THSD7A: variants seen among roughly 807,000 people sequenced by gnomAD.
THSD7A encodes the protein thrombospondin type 1 domain containing 7A.
THSD7A carries 96 observed loss-of-function variants against 231.3 expected under a neutral mutation model. The observed-to-expected ratio is 0.41, with a 90% CI of 0.35 to 0.49. THSD7A has a LOEUF of 0.49. Ranked by LOEUF, THSD7A falls within the 20% of genes least tolerant of loss-of-function variation. The probability of loss-of-function intolerance (pLI) is 0.05; values close to 1 mark genes in which losing one functional copy is unlikely to be tolerated. For synonymous variants in THSD7A, 940 were observed against 743.3 expected, an observed-to-expected ratio of 1.26 and a Z score of -4.30; for missense variants, 2,290 against 2,070.2, an observed-to-expected ratio of 1.11 and a Z score of -2.06.
intron 1 of THSD7A, among the ~76,000 whole-genome samples, chr7:11,705,154 A>C (rs952932575): frequency 6.6e-6 from 1 of 151,106 alleles, no homozygotes; most frequent in African/African-American, 2.4e-5. Context: ...TTAAACTAAC[A>C]ATTTGAGAAC....
chr7:11,641,039 A>G (rs113832664), intron 1 of THSD7A, among the ~76,000 whole-genome samples: 16,918 of 152,156 alleles, frequency 0.11, 1,083 homozygotes, highest in Non-Finnish European at 0.16. Context: ...TAGTTTTTTG[A>G]TCACTTAATT....
At chr7:11,428,805 T>A (rs1010776124) in intron 14 of THSD7A, 142 bp downstream of exon 14, 2 of 853,612 alleles carry the variant, frequency 2.3e-6, no homozygotes, top group African/African-American at 3.4e-5. Flanking sequence ...ATAACATGTA[T>A]GTATTTATTC....
At chr7:11,641,371 C>T (rs1261594389) in intron 1 of THSD7A, among the ~76,000 whole-genome samples, 1 of 151,804 alleles carries the variant, frequency 6.6e-6, no homozygotes, top group Non-Finnish European at 1.5e-5. Flanking sequence ...TCTTAATATC[C>T]CAGGCATTAT....
intron 1 of THSD7A, among the ~76,000 whole-genome samples, chr7:11,680,130 G>A (rs1041202191): frequency 6.6e-6 from 1 of 151,476 alleles, no homozygotes; most frequent in Non-Finnish European, 1.5e-5. Context: ...AATGGTGTTG[G>A]GAAAACTGGC....
intron 1 of THSD7A, among the ~76,000 whole-genome samples, chr7:11,784,283 AT>A (rs1255356968): frequency 6.6e-6 from 1 of 150,488 alleles, no homozygotes; most frequent in Non-Finnish European, 1.5e-5. Context: ...TCTGCTTGGC[AT>A]TTTTTTATGC....
At chr7:11,471,248 T>C (rs1025362062) in intron 8 of THSD7A, among the ~76,000 whole-genome samples, 8 of 151,980 alleles carry the variant, frequency 5.3e-5, no homozygotes, top group Admixed American at 5.3e-4. Context: ...GAAAAAATAA[T>C]CTAAACAACT....
At chr7:11,587,354 T>C (rs1289097020) in intron 4 of THSD7A, among the ~76,000 whole-genome samples, 2 of 152,172 alleles carry the variant, frequency 1.3e-5, no homozygotes, top group Admixed American at 1.3e-4. Context: ...GTAGGGAACT[T>C]GTCAAGCCTT....
intron 1 of THSD7A, among the ~76,000 whole-genome samples, chr7:11,761,057 A>G (rs1260716754): frequency 6.6e-6 from 1 of 151,286 alleles, no homozygotes; most frequent in African/African-American, 2.4e-5. Context: ...TCAAACCCAA[A>G]AGTATAAATA....
chr7:11,568,075 C>A (rs73057883), intron 4 of THSD7A, among the ~76,000 whole-genome samples: 4,394 of 152,218 alleles, frequency 0.029, 81 homozygotes, highest in South Asian at 0.071. Context: ...TATCGTTATT[C>A]TTTCGTGAAT....
chr7:11,690,890 T>G (rs1780210613), intron 1 of THSD7A, among the ~76,000 whole-genome samples: 1 of 151,750 alleles, frequency 6.6e-6, no homozygotes, highest in Non-Finnish European at 1.5e-5. Flanking sequence ...TGTTAAAATG[T>G]TCACCAAAGT....
At chr7:11,655,415 C>G (rs752831985) in intron 1 of THSD7A, among the ~76,000 whole-genome samples, 17 of 151,868 alleles carry the variant, frequency 1.1e-4, no homozygotes, top group Non-Finnish European at 2.4e-4. Context: ...AGGTTTCTTT[C>G]TCATATGCCT....
chr7:11,669,617 G>A lies in THSD7A; in HGVS notation c.191-32656C>T, dbSNP rs531405723. On this transcript the variant is annotated intron_variant, in intron 1 of 27. Coordinates refer to ENST00000423059, the MANE Select transcript of THSD7A (RefSeq NM_015204.3). ...CCTTGTAATTTAAAATTTTTTACTGGTTTTTAAAAACATCAAATTTTTGCT... is the reference window on the plus strand; with the variant it reads ...CCTTGTAATTTAAAATTTTTTACTGATTTTTAAAAACATCAAATTTTTGCT... 3.3e-5 allele frequency among the ~76,000 whole-genome samples: 5 copies of A among 151,512 alleles called. No individual in the cohort carries two copies. In the East Asian group the frequency reaches 9.7e-4, roughly 29 times the overall value.
At chr7:11,503,340 C>T (rs1337291105) in intron 6 of THSD7A, among the ~76,000 whole-genome samples, 1 of 152,216 alleles carries the variant, frequency 6.6e-6, no homozygotes, top group South Asian at 2.1e-4. Context: ...AAATGTAAAA[C>T]CCAAAACTAT....
At chr7:11,603,348 G>A (rs1246637354) in intron 2 of THSD7A, among the ~76,000 whole-genome samples, 12 of 151,862 alleles carry the variant, frequency 7.9e-5, no homozygotes, top group African/African-American at 2.4e-4. Flanking sequence ...ACACCAGTTA[G>A]AATGGCAATC....
chr7:11,496,971 T>TAG (rs971059257), intron 6 of THSD7A, among the ~76,000 whole-genome samples: 9 of 152,164 alleles, frequency 5.9e-5, no homozygotes, highest in African/African-American at 1.9e-4. Context: ...ATCAATGTAT[T>TAG]AGTCCATTGT....
intron 9 of THSD7A, 24 bp from the exon 10 acceptor site, chr7:11,462,167 C>T: frequency 1.9e-6 from 3 of 1,612,498 alleles, no homozygotes; most frequent in Non-Finnish European, 2.5e-6. Flanking sequence ...GTTTTTTAAC[C>T]TCTGTACTTT....
rs754210876 is a variant in THSD7A, at chr7:11,446,055, A to G, written c.3064+6T>C. The stretch of plus-strand genomic sequence containing the variant: ...AGCAAATATGTAACAATGAAGATTG[A>G]ATTACCATGGCTGTTACATCTAGAT... On this transcript the variant is annotated splice_donor_region_variant and intron_variant, in intron 13 of 27. Coordinates refer to ENST00000423059, the MANE Select transcript of THSD7A (RefSeq NM_015204.3). This position sits in a 1 kb window ranked among gnomAD's most constrained non-coding sequence, Gnocchi z 4.0. 33 of 1,612,928 alleles carry G rather than the reference A, an allele frequency of 2.0e-5. No homozygotes were observed. The highest frequency in any genetic ancestry group is 2.8e-5 in the Non-Finnish European group (33 of 1,179,322).
Position 11,682,500 on chromosome 7 carries a change from A to G in THSD7A, c.191-45539T>C, listed in dbSNP as rs565406865. ...TTAAACCAGCAACAATAAAAAGCAA[A>G]CAAACAACAATAATAACAAAACAAA... On this transcript the variant is annotated intron_variant, in intron 1 of 27. Transcript: ENST00000423059. Among the ~76,000 whole-genome samples the G allele has an allele frequency of 3.9e-5, 6 of 152,232 alleles. No individual in the cohort carries two copies. In the East Asian group the frequency reaches 1.2e-3, roughly 30 times the overall value.
intron 6 of THSD7A, among the ~76,000 whole-genome samples, chr7:11,531,466 C>G (rs1300962384): frequency 6.6e-6 from 1 of 152,164 alleles, no homozygotes; most frequent in Non-Finnish European, 1.5e-5. Flanking sequence ...CACCTAATAA[C>G]CTCTCCCTAA....
Sources: gnomAD v4.1 joint callset for allele counts (sites outside exome capture counted in the v4.1 genomes callset) on GRCh38, gnomAD v4.1.1 for gene constraint, Gnocchi (gnomAD v3.1) non-coding constraint, MANE v1.5 for transcripts, NCBI Gene and HGNC (gene_info 2026-07-23, HGNC 2026-07-21) for gene names.